The following PTPN9 variants were observed in gnomAD, a reference collection of about 807,000 sequenced individuals.
PTPN9 encodes the protein tyrosine-protein phosphatase non-receptor type 9.
PTPN9 carries 26 observed loss-of-function variants against 69.8 expected under a neutral mutation model. The observed-to-expected ratio is 0.37, with a 90% CI of 0.27 to 0.52. The LOEUF (loss-of-function observed/expected upper bound fraction) is 0.52, where lower values mean the gene tolerates loss of function less well. PTPN9 is among the 20% of genes least tolerant of loss of function. The pLI is 0.91. For missense variants in PTPN9, 549 were observed against 740.3 expected, an observed-to-expected ratio of 0.74 and a Z score of 3.00; for synonymous variants, 274 against 272.5, an observed-to-expected ratio of 1.01 and a Z score of -0.05.
intron 1 of PTPN9, among the ~76,000 whole-genome samples, chr15:75,562,693 G>A (rs1333881116): frequency 1.3e-5 from 2 of 151,206 alleles, no homozygotes; most frequent in African/African-American, 4.9e-5. Context: ...TTAGCCGGGT[G>A]TGGTGGCGGG....
chr15:75,562,416 T>C (rs1214075558), intron 1 of PTPN9, among the ~76,000 whole-genome samples: 1 of 152,128 alleles, frequency 6.6e-6, no homozygotes, highest in Non-Finnish European at 1.5e-5. Context: ...GGGGTGTGTG[T>C]GTCATACACG....
intron 8 of PTPN9, among the ~76,000 whole-genome samples, chr15:75,489,422 C>T (rs1179527866): frequency 6.6e-6 from 1 of 151,990 alleles, no homozygotes; most frequent in Admixed American, 6.6e-5. Context: ...GAACTTGTCT[C>T]TACAAAAGTA....
At chr15:75,470,560 G>T in intron 11 of PTPN9, 120 bp downstream of exon 11, 1 of 1,266,234 alleles carries the variant, frequency 7.9e-7, no homozygotes. Flanking sequence ...CCTGTCCCTA[G>T]AAAAACAGAA....
chr15:75,477,414 G>A (rs2074602084), intron 9 of PTPN9, among the ~76,000 whole-genome samples: 1 of 152,056 alleles, frequency 6.6e-6, no homozygotes, highest in African/African-American at 2.4e-5. Flanking sequence ...AGGCAACATG[G>A]TGAAACCCTG....
chr15:75,482,838 C>A (rs545946627), intron 8 of PTPN9, among the ~76,000 whole-genome samples: 7 of 151,558 alleles, frequency 4.6e-5, no homozygotes, highest in African/African-American at 1.7e-4. Flanking sequence ...GCCTGTAGTC[C>A]CAGCTACACG....
chr15:75,516,870 G>A (rs368164087), intron 5 of PTPN9, among the ~76,000 whole-genome samples: 7 of 148,992 alleles, frequency 4.7e-5, no homozygotes, highest in African/African-American at 1.5e-4. Context: ...TCAGCCTCCC[G>A]AGTACCTGGG....
At chr15:75,561,192 G>C (rs1253561306) in intron 1 of PTPN9, among the ~76,000 whole-genome samples, 1 of 151,852 alleles carries the variant, frequency 6.6e-6, no homozygotes, top group South Asian at 2.1e-4. Flanking sequence ...GCGCATGCCT[G>C]TAATCCCAGC....
chr15:75,568,601 G>A (rs1335064388), intron 1 of PTPN9, among the ~76,000 whole-genome samples: 5 of 151,576 alleles, frequency 3.3e-5, no homozygotes, highest in African/African-American at 4.8e-5. Context: ...TTGGGAGGCC[G>A]AGGCTGGAAG....
chr15:75,530,943 T>C (rs1157428297), intron 1 of PTPN9, among the ~76,000 whole-genome samples: 1 of 126,804 alleles, frequency 7.9e-6, no homozygotes, highest in East Asian at 2.0e-4. Flanking sequence ...ATGTATATTT[T>C]ATATTATATA....
At chr15:75,472,352 G>A (rs1038682368) in intron 10 of PTPN9, among the ~76,000 whole-genome samples, 14 of 151,920 alleles carry the variant, frequency 9.2e-5, no homozygotes, top group African/African-American at 1.7e-4. Flanking sequence ...CCAGCTACTC[G>A]GGAGGCTGAG....
intron 7 of PTPN9, among the ~76,000 whole-genome samples, chr15:75,501,479 T>C (rs1197216579): frequency 1.3e-5 from 2 of 150,534 alleles, no homozygotes; most frequent in East Asian, 1.9e-4. Context: ...TTTTTTTTTT[T>C]CCTTAGACAA....
intron 9 of PTPN9, 62 bp from the exon 10 acceptor site, chr15:75,473,829 C>A: frequency 7.3e-7 from 1 of 1,361,742 alleles, no homozygotes; most frequent in African/African-American, 1.4e-5. Flanking sequence ...CTTTTGTAGG[C>A]GCTTCTGTTT....
chr15:75,507,319 G>A, intron 6 of PTPN9, among the ~76,000 whole-genome samples: 1 of 152,010 alleles, frequency 6.6e-6, no homozygotes, highest in East Asian at 1.9e-4. Context: ...GTTGGCAGGA[G>A]CCTGTAATCC....
At chr15:75,490,382 G>A (rs935116397) in intron 7 of PTPN9, 81 bp from the exon 8 acceptor site, 54 of 966,430 alleles carry the variant, frequency 5.6e-5, no homozygotes, top group Non-Finnish European at 8.0e-5. Context: ...CATGCTAAAG[G>A]GGTGTCAATT....
chr15:75,492,125 A>C (rs951761638), intron 7 of PTPN9, among the ~76,000 whole-genome samples: 25 of 152,310 alleles, frequency 1.6e-4, no homozygotes, highest in African/African-American at 6.0e-4. Context: ...CTCCCGCCTC[A>C]GCCTCCCAAA....
At chr15:75,545,385 T>G (rs1042997860) in intron 1 of PTPN9, among the ~76,000 whole-genome samples, 13 of 151,852 alleles carry the variant, frequency 8.6e-5, no homozygotes, top group Admixed American at 4.6e-4. Context: ...CTGGGCAACA[T>G]AGTGAGACCC....
At chr15:75,482,294 G>C (rs535137478) in intron 8 of PTPN9, among the ~76,000 whole-genome samples, 30 of 152,262 alleles carry the variant, frequency 2.0e-4, no homozygotes, top group South Asian at 4.2e-4. Flanking sequence ...GGCCGGGCGC[G>C]GTGGCTCACG....
intron 1 of PTPN9, among the ~76,000 whole-genome samples, chr15:75,550,318 A>G (rs1329335322): frequency 6.6e-6 from 1 of 151,088 alleles, no homozygotes; most frequent in Non-Finnish European, 1.5e-5. Context: ...GGCACCCGCC[A>G]CTACATCCAG....
At chr15:75,494,985 C>G (rs1405703992) in intron 7 of PTPN9, among the ~76,000 whole-genome samples, 3 of 152,160 alleles carry the variant, frequency 2.0e-5, no homozygotes, top group African/African-American at 7.2e-5. Flanking sequence ...GATTGTGCCA[C>G]TGCACTCCAG....
Sources: gnomAD v4.1 joint callset for allele counts (sites outside exome capture counted in the v4.1 genomes callset) on GRCh38, gnomAD v4.1.1 for gene constraint, MANE v1.5 for transcripts, NCBI Gene and HGNC (gene_info 2026-07-23, HGNC 2026-07-21) for gene names.